The following MROH9 variants were observed in gnomAD, a reference collection of about 807,000 sequenced individuals.
MROH9 encodes the protein maestro heat-like repeat-containing protein family member 9.
Under a neutral mutation model 98.2 loss-of-function variants are expected in MROH9, and 92 were observed. That is an observed-to-expected ratio of 0.94 (90% CI 0.79 to 1.11). The LOEUF (loss-of-function observed/expected upper bound fraction) is 1.11, where lower values mean the gene tolerates loss of function less well. Among genes scored for constraint, MROH9 ranks in the 50% most tolerant of loss-of-function variants. The pLI is 0.00. For synonymous variants in MROH9, 397 were observed against 368.9 expected, an observed-to-expected ratio of 1.08 and a Z score of -0.87; for missense variants, 1,057 against 1,014.8, an observed-to-expected ratio of 1.04 and a Z score of -0.57.
At chr1:170,995,243 T>C in intron 12 of MROH9, 146 bp from the exon 13 acceptor site, 2 of 774,982 alleles carry the variant, frequency 2.6e-6, no homozygotes, top group Non-Finnish European at 2.1e-6. Context: ...TGTTATTAAA[T>C]GAATGGATAC....
At chr1:171,049,257 T>G (rs1230561220) in intron 20 of MROH9, among the ~76,000 whole-genome samples, 2 of 152,050 alleles carry the variant, frequency 1.3e-5, no homozygotes, top group Non-Finnish European at 2.9e-5. Flanking sequence ...ACTTCATATC[T>G]CTGAAAGAGG....
intron 20 of MROH9, among the ~76,000 whole-genome samples, chr1:171,048,512 G>C (rs999928138): frequency 6.6e-6 from 1 of 152,098 alleles, no homozygotes; most frequent in African/African-American, 2.4e-5. Context: ...TGTGGTGAAT[G>C]CTGCCTGGCC....
At chr1:170,982,654 C>T (rs1320726396) in intron 8 of MROH9, among the ~76,000 whole-genome samples, 1 of 152,116 alleles carries the variant, frequency 6.6e-6, no homozygotes, top group African/African-American at 2.4e-5. Flanking sequence ...ATTTGGGAGG[C>T]CTGGGCGGGC....
intron 17 of MROH9, among the ~76,000 whole-genome samples, chr1:171,022,071 G>A (rs934504737): frequency 9.9e-5 from 15 of 152,258 alleles, no homozygotes; most frequent in African/African-American, 3.6e-4. Context: ...CAGTCAGAAT[G>A]GTGATTATTA....
intron 14 of MROH9, among the ~76,000 whole-genome samples, chr1:170,996,859 C>G (rs1255614088): frequency 6.6e-6 from 1 of 151,976 alleles, no homozygotes; most frequent in Non-Finnish European, 1.5e-5. Context: ...TACCTGATAA[C>G]ATAGATGCCC....
At chr1:171,061,386 A>G (rs1381536216) in intron 20 of MROH9, among the ~76,000 whole-genome samples, 5 of 152,288 alleles carry the variant, frequency 3.3e-5, no homozygotes, top group Non-Finnish European at 5.9e-5. Flanking sequence ...TTATACAAAT[A>G]CCTGCCAAAA....
At chr1:170,996,923 G>C (rs1329733411) in intron 14 of MROH9, among the ~76,000 whole-genome samples, 2 of 152,018 alleles carry the variant, frequency 1.3e-5, no homozygotes, top group African/African-American at 2.4e-5. Flanking sequence ...CAGAAAACTA[G>C]AAGTGAGTTT....
intron 20 of MROH9, among the ~76,000 whole-genome samples, chr1:171,056,172 C>T (rs954795124): frequency 3.9e-5 from 6 of 152,320 alleles, no homozygotes; most frequent in African/African-American, 1.4e-4. Context: ...GATGTCTAAG[C>T]CATTTGAGCT....
chr1:171,014,087 C>T (rs1652249139), intron 15 of MROH9, 30 bp from the exon 16 acceptor site: 1 of 1,539,428 alleles, frequency 6.5e-7, no homozygotes, highest in Non-Finnish European at 8.8e-7. Context: ...CTCTACTTTG[C>T]TTATAAACTT....
chr1:171,011,009 G>A (rs1256479173), intron 15 of MROH9, among the ~76,000 whole-genome samples: 1 of 152,140 alleles, frequency 6.6e-6, no homozygotes, highest in African/African-American at 2.4e-5. Flanking sequence ...TAGACATGAA[G>A]TTTTGCCCAT....
At chr1:170,959,278 G>A (rs1187032736) in intron 4 of MROH9, among the ~76,000 whole-genome samples, 184 bp from the exon 5 acceptor site, 1 of 152,132 alleles carries the variant, frequency 6.6e-6, no homozygotes, top group Non-Finnish European at 1.5e-5. Flanking sequence ...AGGAGGCTGA[G>A]GCAGGAGAAT....
In MROH9 at chr1:170,937,733, C is replaced by T. The variant is rs528709812; in HGVS notation, c.-38+2146C>T. ...AGAGACGGGGTTTCACCGTTTTAGC[C>T]GGGATGGTCTCGATCTCCTGACCTC... is the stretch of plus-strand genomic sequence containing the variant. On this transcript the variant is annotated intron_variant, in intron 1 of 21. Coordinates refer to ENST00000367759, the MANE Select transcript of MROH9 (RefSeq NM_001163629.2). Among the ~76,000 whole-genome samples the T allele has an allele frequency of 3.9e-3, 585 of 151,892 alleles. 5 individuals carry two copies. Among genetic ancestry groups the T allele is most frequent in the African/African-American group, 0.013 (558 of 41,432 alleles).
chr1:171,035,138 AC>A (rs1653053414), intron 20 of MROH9, among the ~76,000 whole-genome samples: 1 of 152,140 alleles, frequency 6.6e-6, no homozygotes, highest in African/African-American at 2.4e-5. Context: ...ATTTCTAAAG[AC>A]AAAAAATTTA....
chr1:171,063,409 T>A (rs1298961570), intron 21 of MROH9, among the ~76,000 whole-genome samples: 3 of 151,964 alleles, frequency 2.0e-5, no homozygotes, highest in Admixed American at 2.0e-4. Context: ...CATGCCACCA[T>A]GCCCGGCTAA....
intron 17 of MROH9, among the ~76,000 whole-genome samples, chr1:171,016,802 C>T (rs1652342113): frequency 6.6e-6 from 1 of 152,084 alleles, no homozygotes; most frequent in African/African-American, 2.4e-5. Context: ...TTGTTATTAT[C>T]ATATAAAACT....
chr1:171,060,405 G>A (rs2101877139), intron 20 of MROH9, among the ~76,000 whole-genome samples: 1 of 152,242 alleles, frequency 6.6e-6, no homozygotes, highest in East Asian at 1.9e-4. Context: ...ATCTCACTGG[G>A]TATTTTGGGT....
intron 8 of MROH9, 82 bp downstream of exon 8, chr1:170,971,965 T>C: frequency 7.1e-7 from 1 of 1,405,704 alleles, no homozygotes; most frequent in Non-Finnish European, 9.8e-7. Context: ...GGGAAGGCTC[T>C]ACGTCTGTTA....
intron 17 of MROH9, among the ~76,000 whole-genome samples, chr1:171,019,081 A>T (rs1652425867): frequency 6.6e-6 from 1 of 152,238 alleles, no homozygotes; most frequent in Non-Finnish European, 1.5e-5. Flanking sequence ...AACACTCATC[A>T]GCAAATTCAA....
At chr1:171,020,536 C>T (rs934273653) in intron 17 of MROH9, among the ~76,000 whole-genome samples, 1 of 151,908 alleles carries the variant, frequency 6.6e-6, no homozygotes, top group Non-Finnish European at 1.5e-5. Flanking sequence ...CAATAGATGC[C>T]GAAAAGGCCT....
Sources: allele counts gnomAD v4.1 joint callset (sites outside exome capture counted in the v4.1 genomes callset), GRCh38; gene constraint gnomAD v4.1.1; transcripts MANE v1.5; gene names NCBI Gene and HGNC (gene_info 2026-07-23, HGNC 2026-07-21).